DCHS2: variants seen among roughly 807,000 people sequenced by gnomAD.
DCHS2 encodes dachsous cadherin-related 2.
A neutral mutation model predicts 182.4 loss-of-function variants in DCHS2; 142 were observed. The ratio of observed to expected loss-of-function variants is 0.78; its 90% confidence interval spans 0.68 to 0.89. The LOEUF (loss-of-function observed/expected upper bound fraction) is 0.89, where lower values mean the gene tolerates loss of function less well. Among genes scored for constraint, DCHS2 ranks in the 40% least tolerant of loss-of-function variants. The pLI, the probability that DCHS2 is intolerant of heterozygous loss-of-function variation, is 0.00. For missense variants in DCHS2, 4,319 were observed against 4,198.6 expected (o/e 1.03, Z -0.79); for synonymous variants, 1,740 against 1,663.3 (o/e 1.05, Z -1.12).
intron 7 of DCHS2, among the ~76,000 whole-genome samples, chr4:154,325,854 G>A (rs970829608): frequency 6.6e-6 from 1 of 152,208 alleles, no homozygotes; most frequent in African/African-American, 2.4e-5. Flanking sequence ...ACTTTTCCAA[G>A]GAAAAGCAAT....
At chr4:154,346,814 A>C (rs556973911) in intron 3 of DCHS2, among the ~76,000 whole-genome samples, 2 of 151,916 alleles carry the variant, frequency 1.3e-5, no homozygotes, top group African/African-American at 4.9e-5. Context: ...ACTCATTTGC[A>C]TTTTAAACCC....
chr4:154,449,531 T>C (rs7657458), intron 1 of DCHS2, among the ~76,000 whole-genome samples: 136,863 of 151,986 alleles, frequency 0.9, 63,371 homozygotes, highest in East Asian at 1. Flanking sequence ...CCACCACACT[T>C]GGCTAATTTT....
chr4:154,452,137 G>C (rs887330320), intron 1 of DCHS2, among the ~76,000 whole-genome samples: 1 of 152,116 alleles, frequency 6.6e-6, no homozygotes, highest in African/African-American at 2.4e-5. Context: ...ATCATCATGG[G>C]TTTGTGCCCA....
At chr4:154,402,106 C>T (rs1732210718) in intron 1 of DCHS2, among the ~76,000 whole-genome samples, 1 of 152,126 alleles carries the variant, frequency 6.6e-6, no homozygotes, top group Admixed American at 6.6e-5. Context: ...AGTTTTTCCC[C>T]AAACAGATGT....
chr4:154,436,173 A>G (rs1477309072), intron 1 of DCHS2, among the ~76,000 whole-genome samples: 1 of 152,300 alleles, frequency 6.6e-6, no homozygotes, highest in Non-Finnish European at 1.5e-5. Flanking sequence ...GTAATGCTCA[A>G]TTGATAAATC....
chr4:154,373,782 C>A, intron 2 of DCHS2: 1 of 685,780 alleles, frequency 1.5e-6, no homozygotes, highest in Non-Finnish European at 2.5e-6. Context: ...GGCAAGAGGG[C>A]AAGAAGGAGA....
intron 14 of DCHS2, among the ~76,000 whole-genome samples, chr4:154,260,235 T>C (rs1012376847): frequency 2.0e-5 from 3 of 152,212 alleles, no homozygotes; most frequent in East Asian, 1.9e-4. Flanking sequence ...CGGGTCATTG[T>C]GAAAAGATTT....
Position 154,489,593 on chromosome 4 carries a change from T to C in DCHS2, c.1763A>G (p.Asn588Ser), listed in dbSNP as rs997755075. 3.2e-6 allele frequency: 5 copies of C among 1,550,734 alleles called. No individual in the cohort carries two copies. Among genetic ancestry groups the C allele is most frequent in the Non-Finnish European group, 4.4e-6 (5 of 1,146,316 alleles). The change falls in exon 1 of 20, where the codon AAT becomes AGT. Residue 588 changes from asparagine (N) to serine (S), a missense_variant. By Grantham distance (46) the Asn-to-Ser change is conservative. Transcript: ENST00000357232. ...CATCTTTGATTGCAGGGAGCCGAGA[T>C]TGCAGGGAGCCGAGAGTTGGACTAC... The part of the protein sequence containing the change: ...YTVVQLSAPC[N>S]LGSLQSKMVH...
chr4:154,477,627 C>T (rs928484625), intron 1 of DCHS2, among the ~76,000 whole-genome samples: 1 of 152,164 alleles, frequency 6.6e-6, no homozygotes, highest in South Asian at 2.1e-4. Flanking sequence ...AAGCAATTAT[C>T]AAAGGAAATG....
intron 3 of DCHS2, among the ~76,000 whole-genome samples, chr4:154,353,667 G>A (rs1007706742): frequency 2.6e-5 from 4 of 152,112 alleles, no homozygotes; most frequent in African/African-American, 9.7e-5. Flanking sequence ...GACTTTTCCA[G>A]TGGTCCTTCT....
intron 2 of DCHS2, chr4:154,373,818 G>T: frequency 3.3e-6 from 3 of 902,758 alleles, no homozygotes; most frequent in Non-Finnish European, 5.3e-6. Context: ...TGGAGAAGGT[G>T]TGCAAGCACT....
rs139429922 is a variant in DCHS2, at chr4:154,241,962, C to A, written c.7072+680G>T. Among the ~76,000 whole-genome samples, 618 of 152,090 alleles carry A rather than the reference C, an allele frequency of 4.1e-3. 9 individuals carry two copies. The highest frequency in any genetic ancestry group is 0.014 in the African/African-American group (600 of 41,500). ...TTAGAAACATTTTAGGAATTAATGT[C>A]GTATTACGAGTGAAGTAGAGAGGCA... On this transcript the variant is annotated intron_variant, in intron 17 of 19. Coordinates refer to ENST00000357232, the MANE Select transcript of DCHS2 (RefSeq NM_001358235.2).
rs546143621 is a variant in DCHS2, at chr4:154,239,272, A to AC, written c.7389dup (p.Tyr2464ValfsTer15). 17,552 of 1,613,222 alleles carry AC rather than the reference A, an allele frequency of 0.011. 126 individuals carry two copies. The highest frequency in any genetic ancestry group is 0.013 in the Non-Finnish European group (15,648 of 1,179,634). On this transcript the variant is annotated frameshift_variant, in exon 19 of 20. Coordinates refer to ENST00000357232, the MANE Select transcript of DCHS2 (RefSeq NM_001358235.2). LOFTEE classifies it high-confidence loss of function. ...GTGGCTGACAGAGTCAGCACTGAAT[A>AC]CCCCACAGGTATTGATTCAGGAACT... is the stretch of plus-strand genomic sequence containing the variant.
chr4:154,413,059 A>G (rs1055856150), intron 1 of DCHS2, among the ~76,000 whole-genome samples: 1 of 152,212 alleles, frequency 6.6e-6, no homozygotes, highest in African/African-American at 2.4e-5. Context: ...GGGAGGTTAG[A>G]AGAGAGCAGG....
chr4:154,340,778 G>C (rs1729026656), intron 3 of DCHS2, among the ~76,000 whole-genome samples: 1 of 152,186 alleles, frequency 6.6e-6, no homozygotes, highest in Non-Finnish European at 1.5e-5. Context: ...CAATTATAGA[G>C]AGTTATACAA....
intron 1 of DCHS2, among the ~76,000 whole-genome samples, chr4:154,391,963 C>T (rs1731727662): frequency 6.7e-6 from 1 of 150,062 alleles, no homozygotes; most frequent in Non-Finnish European, 1.5e-5. Context: ...TTATGTTATT[C>T]TATATACTAT....
intron 1 of DCHS2, among the ~76,000 whole-genome samples, chr4:154,401,071 C>T (rs1361572760): frequency 6.6e-6 from 1 of 152,234 alleles, no homozygotes; most frequent in African/African-American, 2.4e-5. Context: ...CTCCCAGTCA[C>T]TCCCACGCCC....
chr4:154,235,137 C>T lies in DCHS2; in HGVS notation c.9515G>A (p.Gly3172Asp). 1.2e-6 allele frequency: 2 copies of T among 1,614,004 alleles called. No individual in the cohort carries two copies. Among genetic ancestry groups the T allele is most frequent in the East Asian group, 4.5e-5 (2 of 44,832 alleles). The part of the protein sequence containing the change: ...QTFGEGDQGE[G>D]CSTTCAQNNV... The stretch of plus-strand genomic sequence containing the variant: ...ATTTTGAGCACAGGTGGTGCTGCAG[C>T]CTTCCCCTTGATCTCCTTCCCCAAA... Residue 3172 changes from glycine (G) to aspartate (D), a missense_variant, in exon 20 of 20, where the codon GGC becomes GAC. Coordinates refer to ENST00000357232, the MANE Select transcript of DCHS2 (RefSeq NM_001358235.2).
At chr4:154,467,962 T>C (rs1487895929) in intron 1 of DCHS2, among the ~76,000 whole-genome samples, 1 of 152,284 alleles carries the variant, frequency 6.6e-6, no homozygotes, top group Non-Finnish European at 1.5e-5. Context: ...ATTTAGTCAT[T>C]GTGATGTGTA....
Sources: allele counts gnomAD v4.1 joint callset (sites outside exome capture counted in the v4.1 genomes callset), GRCh38; gene constraint gnomAD v4.1.1; transcripts MANE v1.5; gene names NCBI Gene and HGNC (gene_info 2026-07-23, HGNC 2026-07-21).